The following TACR3 variants were observed in gnomAD, a reference collection of about 807,000 sequenced individuals.
TACR3 encodes the protein tachykinin receptor 3, also known as neuromedin-K receptor.
A neutral mutation model predicts 35.0 loss-of-function variants in TACR3; 34 were observed. That is an observed-to-expected ratio of 0.97 (90% CI 0.74 to 1.30). The LOEUF (loss-of-function observed/expected upper bound fraction) is 1.30, where lower values mean the gene tolerates loss of function less well. Among genes scored for constraint, TACR3 ranks in the 50% most tolerant of loss-of-function variants. The pLI is 0.00. For missense variants in TACR3, 558 were observed against 591.7 expected (o/e 0.94, Z 0.59); for synonymous variants, 233 against 221.1 (o/e 1.05, Z -0.48).
chr4:103,599,960 C>T (rs939971117), intron 3 of TACR3, among the ~76,000 whole-genome samples: 1 of 152,102 alleles, frequency 6.6e-6, no homozygotes, highest in Non-Finnish European at 1.5e-5. Flanking sequence ...CAGGATGATG[C>T]TGGCCTCATA....
At chr4:103,718,595 T>C (rs929373157) in intron 1 of TACR3, among the ~76,000 whole-genome samples, 1 of 152,092 alleles carries the variant, frequency 6.6e-6, no homozygotes, top group Non-Finnish European at 1.5e-5. Flanking sequence ...TAGTTCTTGG[T>C]GACTGGGAGA....
At chr4:103,593,850 T>G (rs1016625611) in intron 3 of TACR3, among the ~76,000 whole-genome samples, 1 of 152,194 alleles carries the variant, frequency 6.6e-6, no homozygotes, top group East Asian at 1.9e-4. Flanking sequence ...TTATGTTTTT[T>G]CTTTATTTTG....
rs145276886 is a variant in TACR3 at position 103,627,925 on chromosome 4, C to T, written c.888+28269G>A. On this transcript the variant is annotated intron_variant, in intron 3 of 4. Transcript: ENST00000304883. ...GCACTCCTCAGCAAACGTAAAAGAA[C>T]AGAAATCACAACAAACTGTCTCTCA... is the stretch of plus-strand genomic sequence containing the variant. Among the ~76,000 whole-genome samples the T allele has an allele frequency of 3.3e-5, 5 of 152,268 alleles. No homozygotes were observed. In the South Asian group the frequency reaches 1.0e-3, roughly 32 times the overall value.
At chr4:103,700,037 AG>A (rs1479905795) in intron 1 of TACR3, among the ~76,000 whole-genome samples, 1 of 152,142 alleles carries the variant, frequency 6.6e-6, no homozygotes, top group Non-Finnish European at 1.5e-5. Flanking sequence ...AGTACTTACA[AG>A]GTACTTGAGA....
chr4:103,694,282 C>T (rs896612123), intron 1 of TACR3, among the ~76,000 whole-genome samples: 7 of 147,310 alleles, frequency 4.8e-5, no homozygotes, highest in African/African-American at 1.9e-4. Context: ...TATGTGCTTA[C>T]TTGGGAGTTC....
At chr4:103,687,803 G>A (rs1178210456) in intron 1 of TACR3, among the ~76,000 whole-genome samples, 16 of 152,084 alleles carry the variant, frequency 1.1e-4, no homozygotes, top group African/African-American at 2.4e-4. Context: ...AATCAATATC[G>A]TGAAAATGGC....
chr4:103,697,387 T>A (rs1722543285), intron 1 of TACR3, among the ~76,000 whole-genome samples: 2 of 140,272 alleles, frequency 1.4e-5, no homozygotes, highest in Non-Finnish European at 3.0e-5. Flanking sequence ...ACTTGTGTTA[T>A]TTATTTATTT....
At chr4:103,697,409 T>G (rs1044319373) in intron 1 of TACR3, among the ~76,000 whole-genome samples, 2 of 147,516 alleles carry the variant, frequency 1.4e-5, no homozygotes, top group Admixed American at 6.7e-5. Context: ...TTTGTTTATT[T>G]ATTTATTTAT....
At chr4:103,678,580 C>T (rs1457964020) in intron 1 of TACR3, among the ~76,000 whole-genome samples, 1 of 152,054 alleles carries the variant, frequency 6.6e-6, no homozygotes, top group Non-Finnish European at 1.5e-5. Context: ...TTCATTTATT[C>T]ATTCATTTAT....
chr4:103,708,409 C>A (rs1282269040), intron 1 of TACR3, among the ~76,000 whole-genome samples: 1 of 152,142 alleles, frequency 6.6e-6, no homozygotes, highest in Admixed American at 6.5e-5. Flanking sequence ...CTGGAGTGGA[C>A]CTCCAGCAAA....
intron 3 of TACR3, among the ~76,000 whole-genome samples, chr4:103,628,670 C>A (rs921803602): frequency 3.3e-5 from 5 of 152,074 alleles, no homozygotes; most frequent in African/African-American, 4.8e-5. Context: ...GCCCACCAAC[C>A]AAAAAAATCC....
rs1178803039 is a variant in TACR3, at chr4:103,668,146, T to G, written c.549-9743A>C. On this transcript the variant is annotated intron_variant, in intron 1 of 4. Coordinates refer to ENST00000304883, the MANE Select transcript of TACR3 (RefSeq NM_001059.3). ...AGATTATTTTTTTGAAAACAATTCCTTTACTGACATACAGGAGAACCTTGG... is the reference window on the plus strand; with the variant it reads ...AGATTATTTTTTTGAAAACAATTCCGTTACTGACATACAGGAGAACCTTGG... Among the ~76,000 whole-genome samples the G allele has an allele frequency of 2.0e-5, 3 of 152,132 alleles. No homozygotes were observed. The East Asian group carries it at 5.8e-4, about 29-fold the overall frequency.
intron 3 of TACR3, among the ~76,000 whole-genome samples, chr4:103,653,216 C>T (rs1725662687): frequency 6.6e-6 from 1 of 151,944 alleles, no homozygotes; most frequent in Non-Finnish European, 1.5e-5. Context: ...GGGTCACACT[C>T]CCAGTCTGAA....
At position 103,600,433 on chromosome 4, in the gene TACR3, G is replaced by C. The variant is rs1365153266; in HGVS notation, c.889-8750C>G. Reference sequence around the variant, plus strand: ...CAGCTCCTGGATTCATTAATCTTTTGAAGGGTTTTTTGTGTCTCTATTTCC... The same window carrying C: ...CAGCTCCTGGATTCATTAATCTTTTCAAGGGTTTTTTGTGTCTCTATTTCC... On this transcript the variant is annotated intron_variant, in intron 3 of 4. Coordinates refer to ENST00000304883, the MANE Select transcript of TACR3 (RefSeq NM_001059.3). Among the ~76,000 whole-genome samples, 53 of 152,060 alleles carry C rather than the reference G, an allele frequency of 3.5e-4. 2 individuals are homozygous for C. The highest frequency in any genetic ancestry group is 3.0e-3 in the Admixed American group (46 of 15,250).
intron 3 of TACR3, among the ~76,000 whole-genome samples, chr4:103,609,939 A>G (rs568168991): frequency 6.6e-6 from 1 of 152,182 alleles, no homozygotes; most frequent in South Asian, 2.1e-4. Context: ...AAACTGTTAC[A>G]AATCATAAAA....
chr4:103,690,191 G>T (rs982063475), intron 1 of TACR3, among the ~76,000 whole-genome samples: 1 of 152,068 alleles, frequency 6.6e-6, no homozygotes, highest in Admixed American at 6.6e-5. Context: ...ATGTTCTTCA[G>T]GCAGAAAGAA....
At chr4:103,713,186 C>T (rs1279470500) in intron 1 of TACR3, among the ~76,000 whole-genome samples, 12 of 151,804 alleles carry the variant, frequency 7.9e-5, no homozygotes, top group Non-Finnish European at 1.8e-4. Flanking sequence ...GTATGTTTAC[C>T]GCGGCACTAC....
intron 3 of TACR3, among the ~76,000 whole-genome samples, chr4:103,602,313 T>A (rs950635690): frequency 6.6e-6 from 1 of 152,160 alleles, no homozygotes; most frequent in Non-Finnish European, 1.5e-5. Context: ...GCTTTGAACT[T>A]CTTTGCCATT....
chr4:103,599,363 A>T (rs545143560), intron 3 of TACR3, among the ~76,000 whole-genome samples: 1 of 152,152 alleles, frequency 6.6e-6, no homozygotes, highest in South Asian at 2.1e-4. Context: ...GGCTGAGACA[A>T]TGGGGTTTTC....
Sources: gnomAD v4.1 joint callset for allele counts (sites outside exome capture counted in the v4.1 genomes callset) on GRCh38, gnomAD v4.1.1 for gene constraint, MANE v1.5 for transcripts, NCBI Gene and HGNC (gene_info 2026-07-23, HGNC 2026-07-21) for gene names.